CDH9: variants seen among roughly 807,000 people sequenced by gnomAD.
CDH9 encodes cadherin 9.
Under a neutral mutation model 70.9 loss-of-function variants are expected in CDH9, and 28 were observed. That is an observed-to-expected ratio of 0.40 (90% CI 0.29 to 0.54). CDH9 has a LOEUF of 0.54. Among genes scored for constraint, CDH9 ranks in the 20% least tolerant of loss-of-function variants. The pLI is 0.59. For missense variants in CDH9, 874 were observed against 984.4 expected (o/e 0.89, Z 1.50); for synonymous variants, 409 against 343.1 (o/e 1.19, Z -2.12).
At position 27,000,593 on chromosome 5, in the gene CDH9, T is replaced by C. The variant is rs145526748; in HGVS notation, c.-49-12211A>G. ...CAGTTAAGCTTTCTAGTAAACCACA[T>C]AACATGGGAATCACACTTACATATA... On this transcript the variant is annotated intron_variant, in intron 1 of 11. Transcript: ENST00000231021. Among the ~76,000 whole-genome samples the C allele has an allele frequency of 4.4e-3, 677 of 152,202 alleles. 5 individuals carry two copies. Among genetic ancestry groups the C allele is most frequent in the African/African-American group, 0.015 (643 of 41,548 alleles).
chr5:26,893,251 A>G (rs1218050685), intron 7 of CDH9, among the ~76,000 whole-genome samples: 1 of 152,204 alleles, frequency 6.6e-6, no homozygotes, highest in African/African-American at 2.4e-5. Context: ...GCTAAATTTT[A>G]TAAAACAATT....
At position 26,881,549 on chromosome 5, in the gene CDH9, G is replaced by C; in HGVS notation, c.1957C>G (p.Arg653Gly). The change falls in exon 12 of 12, where the codon CGG (arginine) becomes GGG (glycine). Residue 653 changes from arginine to glycine, a missense_variant. Coordinates refer to ENST00000231021, the MANE Select transcript of CDH9 (RefSeq NM_016279.4). Reference sequence around the variant, plus strand: ...TCGTTGTAGGTCACAATGTTGTCCCGGACATCGTCTTTTGAAATTATCAGA... The same window carrying C: ...TCGTTGTAGGTCACAATGTTGTCCCCGACATCGTCTTTTGAAATTATCAGA... ...EPLIISKDDVRDNIVTYNDEG... is the reference protein window; with the variant it reads ...EPLIISKDDVGDNIVTYNDEG... The C allele has an allele frequency of 1.2e-6, 2 of 1,613,458 alleles. No homozygotes were observed. Among genetic ancestry groups the C allele is most frequent in the Non-Finnish European group, 1.7e-6 (2 of 1,179,694 alleles).
chr5:26,952,445 T>G (rs181789791), intron 2 of CDH9, among the ~76,000 whole-genome samples: 7,546 of 88,462 alleles, frequency 0.085, 1,174 homozygotes, highest in African/African-American at 0.32. Context: ...AAACCCCGTC[T>G]CTACTAAAAA....
At chr5:26,998,005 GT>G (rs1452895591) in intron 1 of CDH9, among the ~76,000 whole-genome samples, 1 of 152,010 alleles carries the variant, frequency 6.6e-6, no homozygotes, top group Non-Finnish European at 1.5e-5. Flanking sequence ...ATTGGTTAAT[GT>G]TTTTAAACAC....
At chr5:26,979,426 A>C (rs575862890) in intron 2 of CDH9, among the ~76,000 whole-genome samples, 5 of 147,076 alleles carry the variant, frequency 3.4e-5, no homozygotes, top group African/African-American at 1.3e-4. Context: ...AAAATGATTA[A>C]TTGTTCCAAA....
intron 1 of CDH9, among the ~76,000 whole-genome samples, chr5:27,035,167 A>C (rs1375775804): frequency 1.1e-5 from 1 of 94,586 alleles, no homozygotes; most frequent in Non-Finnish European, 2.6e-5. Context: ...ATAATATTGC[A>C]TATGTATATA....
At chr5:26,965,530 C>G (rs1224746777) in intron 2 of CDH9, among the ~76,000 whole-genome samples, 1 of 151,270 alleles carries the variant, frequency 6.6e-6, no homozygotes, top group African/African-American at 2.4e-5. Flanking sequence ...GAGTGGAGAT[C>G]ATGCCATTGG....
chr5:27,016,396 A>G (rs1481609022), intron 1 of CDH9, among the ~76,000 whole-genome samples: 1 of 151,872 alleles, frequency 6.6e-6, no homozygotes, highest in Non-Finnish European at 1.5e-5. Context: ...AGGATTTATA[A>G]AAAAGTTTAA....
Position 27,038,494 on chromosome 5 carries a change from A to G in CDH9, c.-81T>C, listed in dbSNP as rs1005790307. 3 of 151,908 alleles carry G rather than the reference A, an allele frequency of 2.0e-5. No homozygotes were observed. The highest frequency in any genetic ancestry group is 2.0e-4 in the Admixed American group (3 of 15,224). 9.4% of individuals were successfully genotyped at this position (151,908 alleles called of 1,614,324 possible). On this transcript the variant is annotated 5_prime_UTR_variant, in exon 1 of 12. Coordinates refer to ENST00000231021, the MANE Select transcript of CDH9 (RefSeq NM_016279.4). ...TAACAATGGAACTGAGTTTAGCCCTACTCCGCACTGACAGTTCCGTTGTTG... is the reference window on the plus strand; with the variant it reads ...TAACAATGGAACTGAGTTTAGCCCTGCTCCGCACTGACAGTTCCGTTGTTG...
intron 1 of CDH9, among the ~76,000 whole-genome samples, chr5:27,034,384 A>G (rs898370241): frequency 6.6e-6 from 1 of 151,692 alleles, no homozygotes; most frequent in African/African-American, 2.4e-5. Flanking sequence ...ATCAAAAATT[A>G]TCTTGCTCAT....
intron 1 of CDH9, among the ~76,000 whole-genome samples, chr5:27,031,756 G>A (rs62344101): frequency 0.025 from 3,728 of 151,976 alleles, 66 homozygotes; most frequent in Middle Eastern, 0.088. Flanking sequence ...GTAAACGGTT[G>A]TGTGACTGTG....
intron 1 of CDH9, 24 bp from the exon 2 acceptor site, chr5:26,988,406 T>C: frequency 6.4e-7 from 1 of 1,553,410 alleles, no homozygotes; most frequent in Non-Finnish European, 8.7e-7. Flanking sequence ...AGAAAAAAAA[T>C]GGCTGTATTA....
At chr5:26,960,781 T>A (rs1742020345) in intron 2 of CDH9, among the ~76,000 whole-genome samples, 1 of 140,718 alleles carries the variant, frequency 7.1e-6, no homozygotes, top group African/African-American at 2.5e-5. Context: ...TAGGTAAAAG[T>A]TTTCATTGTA....
At chr5:26,891,493 C>G (rs1170863806) in intron 7 of CDH9, among the ~76,000 whole-genome samples, 1 of 152,064 alleles carries the variant, frequency 6.6e-6, no homozygotes, top group Non-Finnish European at 1.5e-5. Context: ...GCCTGACCAA[C>G]ATGGTGAAAC....
Position 26,903,643 on chromosome 5 carries a change from G to A in CDH9, c.993C>T (p.Val331=), listed in dbSNP as rs1740895793. ...GAAGACAGTGAAAAGAAACCTGTTTGACAGTTATAATCCCTTCCTGTGTAT... is the reference window on the plus strand; with the variant it reads ...GAAGACAGTGAAAAGAAACCTGTTTAACAGTTATAATCCCTTCCTGTGTAT... ...DKDTQEGIIT[V]KQNLDFENQM... The change falls in exon 6 of 12, where the codon GTC becomes GTT. Residue 331 remains valine, a synonymous_variant. Coordinates refer to ENST00000231021, the MANE Select transcript of CDH9 (RefSeq NM_016279.4). 6 of 1,597,032 alleles carry A rather than the reference G, an allele frequency of 3.8e-6. No individual in the cohort carries two copies. The highest frequency in any genetic ancestry group is 1.7e-4 in the Middle Eastern group (1 of 6,056).
intron 2 of CDH9, among the ~76,000 whole-genome samples, chr5:26,969,710 T>G (rs1159160115): frequency 6.6e-6 from 1 of 152,008 alleles, no homozygotes; most frequent in Non-Finnish European, 1.5e-5. Flanking sequence ...CTGTATAGTT[T>G]GATTGCACTG....
At position 26,881,499 on chromosome 5, in the gene CDH9, G is replaced by C. The variant is rs1164853035; in HGVS notation, c.2007C>G (p.Thr669=). ...YNDEGGGEED[T]QAFDIGTLRN... ...TTAATGTGCCAATGTCAAAAGCTTG[G>C]GTATCTTCTTCCCCGCCGCCTTCAT... The change falls in exon 12 of 12, where the codon ACC becomes ACG. Residue 669 remains threonine (T), a synonymous_variant. Coordinates refer to ENST00000231021, the MANE Select transcript of CDH9 (RefSeq NM_016279.4). 21 of 1,613,542 alleles carry C rather than the reference G, an allele frequency of 1.3e-5. No individual in the cohort carries two copies. The highest frequency in any genetic ancestry group is 1.7e-5 in the Non-Finnish European group (20 of 1,179,816).
intron 1 of CDH9, among the ~76,000 whole-genome samples, chr5:26,997,375 G>A (rs1018780426): frequency 6.6e-6 from 1 of 151,992 alleles, no homozygotes. Flanking sequence ...TGGAAATCCA[G>A]GGAATCAAAA....
chr5:26,965,995 G>A (rs1176603900), intron 2 of CDH9, among the ~76,000 whole-genome samples: 1 of 152,114 alleles, frequency 6.6e-6, no homozygotes, highest in Non-Finnish European at 1.5e-5. Flanking sequence ...TTTCACAATG[G>A]AAATTTGAGG....
Sources: gnomAD v4.1 joint callset for allele counts (sites outside exome capture counted in the v4.1 genomes callset) on GRCh38, gnomAD v4.1.1 for gene constraint, MANE v1.5 for transcripts, NCBI Gene and HGNC (gene_info 2026-07-23, HGNC 2026-07-21) for gene names.